The following REC114 variants were observed in gnomAD, a reference collection of about 807,000 sequenced individuals.
REC114 encodes REC114 meiotic recombination protein.
REC114 carries 27 observed loss-of-function variants against 31.3 expected under a neutral mutation model. The observed-to-expected ratio is 0.86, with a 90% CI of 0.64 to 1.19. The LOEUF is 1.19. REC114 is among the 50% of genes most tolerant of loss of function. The probability of loss-of-function intolerance (pLI) is 0.00; values close to 1 mark genes in which losing one functional copy is unlikely to be tolerated. For synonymous variants in REC114, 134 were observed against 127.7 expected, an observed-to-expected ratio of 1.05 and a Z score of -0.33; for missense variants, 344 against 326.9, an observed-to-expected ratio of 1.05 and a Z score of -0.40.
chr15:73,489,403 A>G (rs1429099238), intron 2 of REC114, among the ~76,000 whole-genome samples: 2 of 151,700 alleles, frequency 1.3e-5, no homozygotes, highest in Non-Finnish European at 2.9e-5. Context: ...ATGGGGTTTC[A>G]TCAACATGGT....
rs1006435379 is a variant in REC114, at chr15:73,469,890, T to A, written c.160-3942T>A. On this transcript the variant is annotated intron_variant, in intron 1 of 5. Coordinates refer to ENST00000331090, the MANE Select transcript of REC114 (RefSeq NM_001042367.2). ...TAGTAGAGATGGGGTTTCACTGTGT[T>A]AGCCAGGGCAAGCCTGTGCTGAGAT... 7.3e-4 allele frequency among the ~76,000 whole-genome samples: 111 copies of A among 152,118 alleles called. 1 individual carries two copies. Among genetic ancestry groups the A allele is most frequent in the African/African-American group, 2.6e-3 (108 of 41,424 alleles).
At chr15:73,505,724 GGATTTCACCGTGTTAGCCAGGATGGTCTC>G (rs972052129) in intron 2 of REC114, among the ~76,000 whole-genome samples, 2 of 152,116 alleles carry the variant, frequency 1.3e-5, no homozygotes, top group African/African-American at 4.8e-5. Context: ...AGTAGAGACA[GGATTTCACCGTGTTAGCCAGGATGGTCTC>G]GATTTCCTGA....
At chr15:73,500,165 A>C (rs1893584749) in intron 2 of REC114, among the ~76,000 whole-genome samples, 1 of 151,996 alleles carries the variant, frequency 6.6e-6, no homozygotes, top group South Asian at 2.1e-4. Flanking sequence ...ATAATTCCTC[A>C]TTTACCTGTC....
At chr15:73,554,602 C>T (rs980035379) in intron 4 of REC114, among the ~76,000 whole-genome samples, 10 of 152,152 alleles carry the variant, frequency 6.6e-5, no homozygotes, top group African/African-American at 2.4e-4. Flanking sequence ...CCAGCCCACC[C>T]CAGGGAGGGG....
chr15:73,533,567 G>C (rs1894114936), intron 2 of REC114, among the ~76,000 whole-genome samples: 1 of 151,908 alleles, frequency 6.6e-6, no homozygotes, highest in East Asian at 1.9e-4. Context: ...AAGAGACTTA[G>C]ACTCCCACAC....
chr15:73,481,609 G>T (rs1595866169), intron 2 of REC114, among the ~76,000 whole-genome samples: 1 of 132,824 alleles, frequency 7.5e-6, no homozygotes, highest in Non-Finnish European at 1.6e-5. Context: ...TTCCCTAATT[G>T]TGGTAAATAC....
intron 2 of REC114, among the ~76,000 whole-genome samples, chr15:73,505,984 CGT>C (rs983816363): frequency 6.6e-6 from 1 of 152,148 alleles, no homozygotes; most frequent in African/African-American, 2.4e-5. Context: ...CACGCCTGCA[CGT>C]GTGGTCTGCA....
intron 2 of REC114, among the ~76,000 whole-genome samples, chr15:73,479,193 GT>G (rs1169534905): frequency 3.4e-4 from 49 of 144,610 alleles, no homozygotes; most frequent in East Asian, 1.4e-3. Flanking sequence ...TTAGCTGTAG[GT>G]TTTTTTTTTT....
intron 2 of REC114, among the ~76,000 whole-genome samples, chr15:73,481,046 A>T (rs1262893992): frequency 6.6e-6 from 1 of 152,162 alleles, no homozygotes; most frequent in Non-Finnish European, 1.5e-5. Context: ...TAGTACAATT[A>T]TTCAATCACT....
intron 5 of REC114, among the ~76,000 whole-genome samples, chr15:73,557,306 G>A (rs748214540): frequency 1.3e-5 from 2 of 150,656 alleles, no homozygotes; most frequent in Non-Finnish European, 1.5e-5. Flanking sequence ...CAGACCTCAA[G>A]TGATTCCCCC....
intron 3 of REC114, among the ~76,000 whole-genome samples, chr15:73,543,262 A>G (rs1401070168): frequency 1.3e-5 from 2 of 152,074 alleles, no homozygotes; most frequent in Non-Finnish European, 2.9e-5. Flanking sequence ...ATATTTGTGT[A>G]TATACTGTAT....
At position 73,551,151 on chromosome 15, in the gene REC114, G is replaced by T; in HGVS notation, c.546+1G>T. On this transcript the variant is annotated splice_donor_variant, in intron 4 of 5. Coordinates refer to ENST00000331090, the MANE Select transcript of REC114 (RefSeq NM_001042367.2). LOFTEE classifies it high-confidence loss of function. ...AAAGAGTGTCCCACGGCAGCCTGGA[G>T]TAAGTAGGCTGATGTGTTGGTTATA... 1.3e-6 allele frequency: 2 copies of T among 1,597,118 alleles called. No individual in the cohort carries two copies. The highest frequency in any genetic ancestry group is 1.7e-6 in the Non-Finnish European group (2 of 1,171,772).
At chr15:73,505,984 C>T (rs1050844050) in intron 2 of REC114, among the ~76,000 whole-genome samples, 1 of 152,148 alleles carries the variant, frequency 6.6e-6, no homozygotes, top group African/African-American at 2.4e-5. Flanking sequence ...CACGCCTGCA[C>T]GTGTGGTCTG....
chr15:73,450,842 C>T (rs1004624783), intron 1 of REC114, among the ~76,000 whole-genome samples: 73 of 152,220 alleles, frequency 4.8e-4, no homozygotes, highest in Middle Eastern at 3.4e-3. Flanking sequence ...CACTCAAAAC[C>T]GCACAACTAC....
intron 2 of REC114, among the ~76,000 whole-genome samples, chr15:73,511,638 G>A (rs1157454035): frequency 1.4e-5 from 2 of 144,066 alleles, no homozygotes; most frequent in Admixed American, 6.9e-5. Flanking sequence ...ATTCTGGTAT[G>A]TTGTGTCTTT....
chr15:73,494,263 T>G (rs73444105), intron 2 of REC114, among the ~76,000 whole-genome samples: 11,425 of 152,194 alleles, frequency 0.075, 751 homozygotes, highest in African/African-American at 0.18. Flanking sequence ...AGATACACCC[T>G]GGAGGCAGAG....
chr15:73,467,311 T>A (rs1893075620), intron 1 of REC114, among the ~76,000 whole-genome samples: 1 of 152,240 alleles, frequency 6.6e-6, no homozygotes. Context: ...TAGTCAGCTT[T>A]TTAATTGTTT....
Position 73,462,428 on chromosome 15 carries a change from C to T in REC114, c.160-11404C>T, listed in dbSNP as rs1293314707. ...TATATTCAAATCCTAAATACAGTAT[C>T]GTTGTCCTTTGTGGTAAGCTGAATG... On this transcript the variant is annotated intron_variant, in intron 1 of 5. Transcript: ENST00000331090. Among the ~76,000 whole-genome samples the T allele has an allele frequency of 5.3e-5, 8 of 152,008 alleles. No individual in the cohort carries two copies. The South Asian group carries it at 6.2e-4, about 12-fold the overall frequency.
chr15:73,462,807 C>T (rs949249400), intron 1 of REC114, among the ~76,000 whole-genome samples: 1 of 149,894 alleles, frequency 6.7e-6, no homozygotes, highest in African/African-American at 2.5e-5. Flanking sequence ...ATGGCGTGGA[C>T]CTGGGAGGCG....
Sources: gnomAD v4.1 joint callset for allele counts (sites outside exome capture counted in the v4.1 genomes callset) on GRCh38, gnomAD v4.1.1 for gene constraint, MANE v1.5 for transcripts, NCBI Gene and HGNC (gene_info 2026-07-23, HGNC 2026-07-21) for gene names.